The following IQCJ variants were observed in gnomAD, a reference collection of about 807,000 sequenced individuals.
IQCJ encodes the protein IQ motif containing J.
IQCJ carries 9 observed loss-of-function variants against 11.0 expected under a neutral mutation model. The ratio of observed to expected loss-of-function variants is 0.82; its 90% CI spans 0.49 to 1.43. IQCJ has a LOEUF of 1.43. Ranked by LOEUF, IQCJ falls within the 40% of genes most tolerant of loss-of-function variation. IQCJ has a pLI of 0.00. For synonymous variants in IQCJ, 55 were observed against 51.3 expected, an observed-to-expected ratio of 1.07 and a Z score of -0.31; for missense variants, 146 against 133.2, an observed-to-expected ratio of 1.10 and a Z score of -0.47.
intron 1 of IQCJ, among the ~76,000 whole-genome samples, chr3:159,214,735 T>C (rs1001674851): frequency 1.3e-5 from 2 of 152,236 alleles, no homozygotes; most frequent in Non-Finnish European, 2.9e-5. Context: ...GCGTCCAATC[T>C]ACCTTTCCTG....
intron 1 of IQCJ, among the ~76,000 whole-genome samples, chr3:159,149,296 G>A (rs921632912): frequency 2.6e-5 from 4 of 152,110 alleles, no homozygotes; most frequent in Non-Finnish European, 4.4e-5. Context: ...GGCAGACTCC[G>A]GAGGTTTTTT....
intron 1 of IQCJ, among the ~76,000 whole-genome samples, chr3:159,121,773 G>A (rs1010843477): frequency 2.6e-5 from 4 of 152,114 alleles, no homozygotes; most frequent in Non-Finnish European, 1.5e-5. Context: ...GTTACCAAAC[G>A]CACCTGGGGC....
chr3:159,256,307 G>C (rs954964170), intron 3 of IQCJ, among the ~76,000 whole-genome samples: 1 of 152,038 alleles, frequency 6.6e-6, no homozygotes. Context: ...TATTATATTT[G>C]ATTTTGTAAT....
At chr3:159,114,004 A>G (rs1005329475) in intron 1 of IQCJ, among the ~76,000 whole-genome samples, 5 of 152,102 alleles carry the variant, frequency 3.3e-5, no homozygotes, top group African/African-American at 1.2e-4. Flanking sequence ...TTGGCTGCCA[A>G]GGGTGATTTT....
chr3:159,121,465 C>A (rs73027637), intron 1 of IQCJ, among the ~76,000 whole-genome samples: 4,022 of 152,152 alleles, frequency 0.026, 190 homozygotes, highest in African/African-American at 0.091. Flanking sequence ...TTGAACAAAG[C>A]AGAGGGAAAG....
rs554671652 is a variant in IQCJ at position 159,231,525 on chromosome 3, G to T, written c.10-14318G>T. On this transcript the variant is annotated intron_variant, in intron 1 of 3. Transcript: ENST00000397832. The stretch of plus-strand genomic sequence containing the variant: ...TTCCTTTTGATGTGCTGCTGGATTT[G>T]GTTTGCCTGTATTTTATTGAGGTTT... Among the ~76,000 whole-genome samples, 14 of 152,176 alleles carry T rather than the reference G, an allele frequency of 9.2e-5. No homozygotes were observed. The East Asian group carries it at 2.5e-3, about 27-fold the overall frequency.
chr3:159,157,664 C>T (rs1721602190), intron 1 of IQCJ, among the ~76,000 whole-genome samples: 1 of 152,142 alleles, frequency 6.6e-6, no homozygotes, highest in Non-Finnish European at 1.5e-5. Flanking sequence ...TTCCCTTCTG[C>T]CCTTGTCTAA....
chr3:159,089,977 T>G (rs1429602422), intron 1 of IQCJ, among the ~76,000 whole-genome samples: 1 of 151,904 alleles, frequency 6.6e-6, no homozygotes, highest in Non-Finnish European at 1.5e-5. Context: ...CTGCATTCCT[T>G]TGGAGGAGGA....
At chr3:159,181,309 C>T (rs1723077011) in intron 1 of IQCJ, among the ~76,000 whole-genome samples, 1 of 150,924 alleles carries the variant, frequency 6.6e-6, no homozygotes. Context: ...ATTTCTTAAG[C>T]ACTATGCTCC....
chr3:159,143,738 C>T (rs1232588393), intron 1 of IQCJ, among the ~76,000 whole-genome samples: 1 of 152,218 alleles, frequency 6.6e-6, no homozygotes, highest in African/African-American at 2.4e-5. Flanking sequence ...TCTTTCTGTG[C>T]TTCACAAGAA....
At chr3:159,123,155 G>T (rs930712836) in intron 1 of IQCJ, among the ~76,000 whole-genome samples, 2 of 152,128 alleles carry the variant, frequency 1.3e-5, no homozygotes, top group African/African-American at 4.8e-5. Context: ...CAGCGGGTTG[G>T]ACACCTTTCT....
chr3:159,221,250 C>T (rs1041408884), intron 1 of IQCJ, among the ~76,000 whole-genome samples: 48 of 151,954 alleles, frequency 3.2e-4, no homozygotes, highest in African/African-American at 1.0e-3. Flanking sequence ...AATTTCTTCT[C>T]GTTTAAAATG....
intron 1 of IQCJ, among the ~76,000 whole-genome samples, chr3:159,090,077 G>T (rs1240937229): frequency 6.6e-6 from 1 of 151,698 alleles, no homozygotes; most frequent in Non-Finnish European, 1.5e-5. Context: ...TTTGATGATG[G>T]TGATGTAAAG....
intron 1 of IQCJ, among the ~76,000 whole-genome samples, chr3:159,192,087 A>G (rs998880368): frequency 1.3e-5 from 2 of 152,204 alleles, no homozygotes; most frequent in African/African-American, 4.8e-5. Context: ...ATGCTCTTAG[A>G]AAAGTTCATG....
At chr3:159,118,495 T>C (rs549490499) in intron 1 of IQCJ, among the ~76,000 whole-genome samples, 2 of 152,280 alleles carry the variant, frequency 1.3e-5, no homozygotes, top group Admixed American at 6.5e-5. Context: ...TCATAAAATC[T>C]CCAAAAACCT....
At position 159,069,349 on chromosome 3, in the gene IQCJ, T is replaced by C; in HGVS notation, c.-84T>C. The C allele has an allele frequency of 6.5e-7, 1 of 1,541,588 alleles. No individual in the cohort carries two copies. The highest frequency in any genetic ancestry group is 8.7e-7 in the Non-Finnish European group (1 of 1,144,020). ...CGCCTCACATTCCCCCACAGTCACA[T>C]TGCGCTCTGTGATTCTGAGGAATAC... On this transcript the variant is annotated 5_prime_UTR_variant, in exon 1 of 4. Transcript: ENST00000397832.
At chr3:159,194,158 A>G (rs1293274263) in intron 1 of IQCJ, among the ~76,000 whole-genome samples, 1 of 152,184 alleles carries the variant, frequency 6.6e-6, no homozygotes, top group African/African-American at 2.4e-5. Context: ...TCTTCAATCA[A>G]TGGGCTCTAG....
intron 1 of IQCJ, among the ~76,000 whole-genome samples, chr3:159,085,101 T>C (rs1716628286): frequency 6.6e-6 from 1 of 151,400 alleles, no homozygotes; most frequent in Non-Finnish European, 1.5e-5. Flanking sequence ...CAGAGTGTGA[T>C]GTTCCCCTTC....
At chr3:159,143,223 A>C (rs6806540) in intron 1 of IQCJ, among the ~76,000 whole-genome samples, 3,183 of 151,548 alleles carry the variant, frequency 0.021, 110 homozygotes, top group African/African-American at 0.075. Context: ...TATAAAACTC[A>C]CATAGTCCAC....
Sources: gnomAD v4.1 joint callset for allele counts (sites outside exome capture counted in the v4.1 genomes callset) on GRCh38, gnomAD v4.1.1 for gene constraint, MANE v1.5 for transcripts, NCBI Gene and HGNC (gene_info 2026-07-23, HGNC 2026-07-21) for gene names.